DOCK2: variants seen among roughly 807,000 people sequenced by gnomAD.
DOCK2 encodes the protein dedicator of cytokinesis 2.
In DOCK2, 87 loss-of-function variants were observed where a neutral mutation model predicts 248.9. The observed-to-expected ratio is 0.35, with a 90% CI of 0.29 to 0.42. The LOEUF (loss-of-function observed/expected upper bound fraction) is 0.42, where lower values mean the gene tolerates loss of function less well. Among genes scored for constraint, DOCK2 ranks in the 10% least tolerant of loss-of-function variants. The pLI, the probability that DOCK2 is intolerant of heterozygous loss-of-function variation, is 1.00. For missense variants in DOCK2, 1,747 were observed against 2,300.2 expected (o/e 0.76, Z 4.92); for synonymous variants, 805 against 821.6 (o/e 0.98, Z 0.35).
At chr5:169,837,168 A>T (rs1415735141) in intron 26 of DOCK2, among the ~76,000 whole-genome samples, 2 of 83,786 alleles carry the variant, frequency 2.4e-5, no homozygotes, top group African/African-American at 2.1e-4. Flanking sequence ...TATTAAAAGA[A>T]AAAAAAATCA....
At chr5:169,875,286 T>G in intron 27 of DOCK2, 1 of 456,704 alleles carries the variant, frequency 2.2e-6, no homozygotes, top group South Asian at 1.5e-5. Context: ...TCAGTGGCTT[T>G]GGGGCTGAAA....
At position 170,036,510 on chromosome 5, in the gene DOCK2, C is replaced by A; in HGVS notation, c.3625-5C>A. 1 of 1,612,818 alleles carries A rather than the reference C, an allele frequency of 6.2e-7. No homozygotes were observed. The highest frequency in any genetic ancestry group is 8.5e-7 in the Non-Finnish European group (1 of 1,179,450). On this transcript the variant is annotated splice_region_variant and splice_polypyrimidine_tract_variant and intron_variant, in intron 35 of 51. Transcript: ENST00000520908. ...ACTCATCATTGTTTTTCCTCCCCTA[C>A]CTAGAATTTCTACAAAGATAACAAC...
intron 27 of DOCK2, among the ~76,000 whole-genome samples, chr5:169,897,342 A>G (rs1003470956): frequency 6.6e-6 from 1 of 151,716 alleles, no homozygotes; most frequent in Non-Finnish European, 1.5e-5. Flanking sequence ...ACACCACCAC[A>G]CCCAGCTAAC....
intron 36 of DOCK2, among the ~76,000 whole-genome samples, chr5:170,037,591 A>T (rs539660116): frequency 8.7e-5 from 13 of 149,142 alleles, no homozygotes; most frequent in Admixed American, 4.1e-4. Flanking sequence ...GGTTCAAGTG[A>T]TTCTCCTGCC....
intron 27 of DOCK2, among the ~76,000 whole-genome samples, chr5:169,859,975 TC>T (rs59995479): frequency 0.083 from 10,197 of 122,880 alleles, 242 homozygotes; most frequent in African/African-American, 0.13. Context: ...TTTTTTTTTT[TC>T]TTTTTTTTTT....
At position 169,658,876 on chromosome 5, in the gene DOCK2, G is replaced by A. The variant is rs1052971919; in HGVS notation, c.127+4390G>A. Among the ~76,000 whole-genome samples the A allele has an allele frequency of 1.7e-4, 25 of 151,316 alleles. 1 individual carries two copies. The highest frequency in any genetic ancestry group is 7.9e-4 in the Admixed American group (12 of 15,180). On this transcript the variant is annotated intron_variant, in intron 2 of 51. Coordinates refer to ENST00000520908, the MANE Select transcript of DOCK2 (RefSeq NM_004946.3). ...CAAGACTCCATCTCTGAAAAATAAG[G>A]CAAAAAAAGTATGAAGAATAAAATA...
intron 25 of DOCK2, among the ~76,000 whole-genome samples, chr5:169,767,845 G>A: frequency 6.6e-6 from 1 of 152,118 alleles, no homozygotes; most frequent in East Asian, 1.9e-4. Flanking sequence ...AAACCTAATG[G>A]CCTAGAAAGT....
intron 27 of DOCK2, among the ~76,000 whole-genome samples, chr5:169,943,608 A>G (rs1776327806): frequency 6.6e-6 from 1 of 152,082 alleles, no homozygotes; most frequent in African/African-American, 2.4e-5. Context: ...TGGCTTGTCT[A>G]TTATATTAAT....
intron 2 of DOCK2, among the ~76,000 whole-genome samples, chr5:169,655,034 C>T (rs554317254): frequency 6.6e-6 from 1 of 152,370 alleles, no homozygotes; most frequent in South Asian, 2.1e-4. Flanking sequence ...GGGCTGCGTC[C>T]ACCCATGGTG....
At position 170,069,268 on chromosome 5, in the gene DOCK2, C is replaced by G. The variant is rs775787419; in HGVS notation, c.4728+48C>G. On this transcript the variant is annotated intron_variant, in intron 46 of 51. Transcript: ENST00000520908. ...AGCATGCTGCTCTCCTTCCTCTCCCCCCACCGTGGTTCACTTGCCCCACGC... is the reference window on the plus strand; with the variant it reads ...AGCATGCTGCTCTCCTTCCTCTCCCGCCACCGTGGTTCACTTGCCCCACGC... 2.5e-6 allele frequency: 4 copies of G among 1,596,710 alleles called. No individual in the cohort carries two copies. The East Asian group carries it at 9.1e-5, about 36-fold the overall frequency.
intron 2 of DOCK2, among the ~76,000 whole-genome samples, chr5:169,663,239 C>G (rs1758542826): frequency 6.6e-6 from 1 of 152,196 alleles, no homozygotes; most frequent in Non-Finnish European, 1.5e-5. Flanking sequence ...GGATGGGTCC[C>G]CAAGGCCTTG....
chr5:169,957,985 C>A (rs1415583294), intron 27 of DOCK2, among the ~76,000 whole-genome samples: 1 of 152,196 alleles, frequency 6.6e-6, no homozygotes, highest in Non-Finnish European at 1.5e-5. Context: ...ACCAGCTCAC[C>A]TTGACTGAGA....
intron 27 of DOCK2, among the ~76,000 whole-genome samples, chr5:169,935,470 G>C (rs60483278): frequency 2.0e-5 from 3 of 152,060 alleles, no homozygotes; most frequent in African/African-American, 7.3e-5. Context: ...GGTGGAGTTC[G>C]GGTTGAGAGC....
intron 14 of DOCK2, among the ~76,000 whole-genome samples, chr5:169,707,642 G>A (rs919522067): frequency 2.6e-5 from 4 of 152,026 alleles, no homozygotes; most frequent in African/African-American, 9.7e-5. Context: ...CCTCCTCCCC[G>A]GAACCCCCTC....
chr5:169,651,982 A>G (rs1029002769), intron 1 of DOCK2, among the ~76,000 whole-genome samples: 1 of 152,182 alleles, frequency 6.6e-6, no homozygotes, highest in African/African-American at 2.4e-5. Context: ...AAGAAAAGTG[A>G]CTACATTTAC....
At chr5:169,852,057 A>G (rs1770646548) in intron 27 of DOCK2, among the ~76,000 whole-genome samples, 1 of 152,160 alleles carries the variant, frequency 6.6e-6, no homozygotes, top group South Asian at 2.1e-4. Flanking sequence ...CCACATAGGG[A>G]CTGCAGCTGT....
intron 27 of DOCK2, chr5:169,875,446 C>T (rs1772269998): frequency 2.7e-6 from 1 of 377,094 alleles, no homozygotes; most frequent in Non-Finnish European, 5.3e-6. Flanking sequence ...TCGAACATTC[C>T]ACTGAGACCT....
At chr5:170,071,514 C>A (rs1472462267) in intron 46 of DOCK2, among the ~76,000 whole-genome samples, 1 of 152,178 alleles carries the variant, frequency 6.6e-6, no homozygotes, top group Non-Finnish European at 1.5e-5. Context: ...AATTTATTTT[C>A]TTTCTGAAGA....
chr5:169,805,970 C>G (rs975341950), intron 26 of DOCK2, among the ~76,000 whole-genome samples: 5 of 152,184 alleles, frequency 3.3e-5, no homozygotes, highest in Admixed American at 3.3e-4. Flanking sequence ...ATACTGTTAT[C>G]ACCATTGAAT....
Sources: allele counts gnomAD v4.1 joint callset (sites outside exome capture counted in the v4.1 genomes callset), GRCh38; gene constraint gnomAD v4.1.1; transcripts MANE v1.5; gene names NCBI Gene and HGNC (gene_info 2026-07-23, HGNC 2026-07-21).